Variants in WDTC1 observed in about 807,000 individuals in gnomAD.
The protein encoded by WDTC1 is WD and tetratricopeptide repeats protein 1.
WDTC1 carries 12 observed loss-of-function variants against 76.0 expected under a neutral mutation model. The observed-to-expected ratio is 0.16, with a 90% CI of 0.10 to 0.26. WDTC1 has a LOEUF of 0.26. WDTC1 is among the 10% of genes least tolerant of loss of function. The pLI is 1.00. For missense variants in WDTC1, 511 were observed against 908.8 expected, an observed-to-expected ratio of 0.56 and a Z score of 5.63; for synonymous variants, 326 against 350.8, an observed-to-expected ratio of 0.93 and a Z score of 0.79.
At position 27,291,329 on chromosome 1, in the gene WDTC1, G is replaced by A. The variant is rs148116310; in HGVS notation, c.480-886G>A. 2.4e-3 allele frequency among the ~76,000 whole-genome samples: 371 copies of A among 152,318 alleles called. 2 individuals are homozygous for A. The highest frequency in any genetic ancestry group is 4.0e-3 in the Non-Finnish European group (270 of 68,018). The stretch of plus-strand genomic sequence containing the variant: ...CTTGAAAACCAGACTGAGGAGTTTG[G>A]TAAAAGTAAACTTGTGCTAAAAGTA... On this transcript the variant is annotated intron_variant, in intron 6 of 15. Coordinates refer to ENST00000319394, the MANE Select transcript of WDTC1 (RefSeq NM_001276252.2).
chr1:27,296,203 T>C (rs913296160), intron 9 of WDTC1, 123 bp from the exon 10 acceptor site: 1 of 1,161,518 alleles, frequency 8.6e-7, no homozygotes, highest in African/African-American at 1.5e-5. Context: ...GCTTGATTGT[T>C]CTATGCTCAA....
intron 5 of WDTC1, among the ~76,000 whole-genome samples, chr1:27,284,128 G>A (rs1234478186): frequency 6.6e-6 from 1 of 152,158 alleles, no homozygotes; most frequent in Non-Finnish European, 1.5e-5. Flanking sequence ...ACAGACCTAG[G>A]ACTAGTGGCT....
chr1:27,241,890 G>GT (rs548982876), intron 1 of WDTC1, among the ~76,000 whole-genome samples: 5,280 of 147,708 alleles, frequency 0.036, 133 homozygotes, highest in Middle Eastern at 0.052. Flanking sequence ...GTCTCACACT[G>GT]TTTTTTTTTG....
chr1:27,270,667 G>T (rs1354162657), intron 3 of WDTC1, among the ~76,000 whole-genome samples: 1 of 152,160 alleles, frequency 6.6e-6, no homozygotes, highest in East Asian at 1.9e-4. Context: ...CTGCACTCCA[G>T]CCTGGGCAAC....
At chr1:27,279,019 G>A (rs1416015967) in intron 3 of WDTC1, among the ~76,000 whole-genome samples, 1 of 152,142 alleles carries the variant, frequency 6.6e-6, no homozygotes, top group African/African-American at 2.4e-5. Context: ...CTGAGATTGC[G>A]CCACTGCACT....
intron 1 of WDTC1, among the ~76,000 whole-genome samples, chr1:27,246,675 C>T (rs1214440633): frequency 6.6e-6 from 1 of 152,038 alleles, no homozygotes; most frequent in Non-Finnish European, 1.5e-5. Context: ...GATTCTTCTG[C>T]CTCAGCCTCC....
intron 3 of WDTC1, among the ~76,000 whole-genome samples, chr1:27,276,907 T>TA: frequency 6.6e-6 from 1 of 152,256 alleles, no homozygotes; most frequent in South Asian, 2.1e-4. Context: ...TGTCCTTTTT[T>TA]ATTGTTGAGT....
At chr1:27,243,685 T>G (rs1229446446) in intron 1 of WDTC1, among the ~76,000 whole-genome samples, 1 of 151,982 alleles carries the variant, frequency 6.6e-6, no homozygotes, top group Non-Finnish European at 1.5e-5. Context: ...TTATGAGGAG[T>G]CTGTGAGATG....
chr1:27,239,810 C>CAA (rs532939885), intron 1 of WDTC1, among the ~76,000 whole-genome samples: 23 of 60,762 alleles, frequency 3.8e-4, no homozygotes, highest in South Asian at 6.2e-4. Context: ...GACTCTGTCT[C>CAA]AAAAAAAAAA....
intron 5 of WDTC1, among the ~76,000 whole-genome samples, chr1:27,285,531 G>T (rs1252738786): frequency 6.6e-6 from 1 of 151,872 alleles, no homozygotes; most frequent in Non-Finnish European, 1.5e-5. Flanking sequence ...TCAATTTTTT[G>T]AACTCACACG....
In WDTC1 at chr1:27,308,085, CT is replaced by C. The variant is rs1385463836; in HGVS notation, c.*1703del. The C allele has an allele frequency of 1.3e-5, 2 of 152,610 alleles. No homozygotes were observed. Among genetic ancestry groups the C allele is most frequent in the African/African-American group, 4.8e-5 (2 of 41,468 alleles). The allele number at this position is 152,610 out of a possible 1,614,324, so 9.5% of individuals were successfully genotyped here. On this transcript the variant is annotated 3_prime_UTR_variant, in exon 16 of 16. Coordinates refer to ENST00000319394, the MANE Select transcript of WDTC1 (RefSeq NM_001276252.2). ...GCCTCCCACCCTCCCTCCCTGCCCCCTGTCCTGCTTCCCACCCCCTGCCTGC... is the reference window on the plus strand; with the variant it reads ...GCCTCCCACCCTCCCTCCCTGCCCCCGTCCTGCTTCCCACCCCCTGCCTGC...
intron 1 of WDTC1, among the ~76,000 whole-genome samples, chr1:27,254,523 G>A (rs974787203): frequency 1.3e-5 from 2 of 152,070 alleles, no homozygotes; most frequent in Admixed American, 6.6e-5. Context: ...GCTTGAACCT[G>A]AGAGGCAGTG....
chr1:27,295,184 A>G (rs888096989), intron 9 of WDTC1, among the ~76,000 whole-genome samples: 1 of 152,126 alleles, frequency 6.6e-6, no homozygotes, highest in African/African-American at 2.4e-5. Context: ...TTACTCTGGG[A>G]CTCGCATTAT....
chr1:27,287,994 G>C, intron 6 of WDTC1, 133 bp downstream of exon 6: 1 of 1,136,888 alleles, frequency 8.8e-7, no homozygotes, highest in Non-Finnish European at 1.2e-6. Context: ...GCAGTTGTCT[G>C]TGTACAAACT....
chr1:27,247,978 A>C (rs2011907923), intron 1 of WDTC1, among the ~76,000 whole-genome samples: 1 of 152,138 alleles, frequency 6.6e-6, no homozygotes, highest in African/African-American at 2.4e-5. Flanking sequence ...TCGGCCTCCC[A>C]AAGTGCTGGG....
chr1:27,248,992 G>C (rs1322239300), intron 1 of WDTC1, among the ~76,000 whole-genome samples: 1 of 152,130 alleles, frequency 6.6e-6, no homozygotes, highest in Non-Finnish European at 1.5e-5. Context: ...TCCCGGCCCA[G>C]CTCAGTGGCT....
intron 10 of WDTC1, among the ~76,000 whole-genome samples, chr1:27,296,785 A>AACCTAGCCCCAGCCCCAG (rs762320176): frequency 1.1e-5 from 1 of 88,632 alleles, no homozygotes; most frequent in African/African-American, 4.6e-5. Flanking sequence ...CCCAGCCCCA[A>AACCTAGCCCCAGCCCCAG]CCCTAGCCCC....
chr1:27,288,808 C>G (rs1482909279), intron 6 of WDTC1, among the ~76,000 whole-genome samples: 1 of 151,994 alleles, frequency 6.6e-6, no homozygotes, highest in African/African-American at 2.4e-5. Flanking sequence ...CCTTTCCCCC[C>G]TTTCTATTCC....
rs145643841 is a variant in WDTC1 at position 27,283,386 on chromosome 1, G to A, written c.228G>A (p.Pro76=). The A allele has an allele frequency of 1.4e-5, 23 of 1,613,510 alleles. No homozygotes were observed. The highest frequency in any genetic ancestry group is 1.3e-4 in the African/African-American group (10 of 74,880). Residue 76 remains proline, a synonymous_variant, in exon 5 of 16, where the codon CCG becomes CCA. Transcript: ENST00000319394. ...SDDQHTIVWD[P]LHHKKLLSMH... ...ACCAGCACACGATTGTGTGGGACCC[G>A]CTGCACCACAAGAAGCTGCTCTCCA...
Sources: allele counts gnomAD v4.1 joint callset (sites outside exome capture counted in the v4.1 genomes callset), GRCh38; gene constraint gnomAD v4.1.1; transcripts MANE v1.5; gene names NCBI Gene and HGNC (gene_info 2026-07-23, HGNC 2026-07-21).